HS2ST1: variants seen among roughly 807,000 people sequenced by gnomAD.
HS2ST1 encodes the protein 2-O-sulfotransferase.
A neutral mutation model predicts 42.9 loss-of-function variants in HS2ST1; 18 were observed. The ratio of observed to expected loss-of-function variants is 0.42; its 90% CI spans 0.29 to 0.62. The LOEUF (loss-of-function observed/expected upper bound fraction) is 0.62, where lower values mean the gene tolerates loss of function less well. Among genes scored for constraint, HS2ST1 ranks in the 20% least tolerant of loss-of-function variants. HS2ST1 has a pLI of 0.21. For missense variants in HS2ST1, 334 were observed against 433.8 expected (o/e 0.77, Z 2.04); for synonymous variants, 146 against 152.9 (o/e 0.95, Z 0.33).
intron 1 of HS2ST1, among the ~76,000 whole-genome samples, chr1:87,012,341 G>T (rs1419203049): frequency 4.6e-5 from 7 of 152,118 alleles, no homozygotes; most frequent in Admixed American, 4.6e-4. Context: ...AGGTGAAGGG[G>T]AAGCAAGACA....
Position 87,109,794 on chromosome 1 carries a change from A to C in HS2ST1, c.*5098A>C, listed in dbSNP as rs1450075844. 1.3e-5 allele frequency: 2 copies of C among 152,134 alleles called. No homozygotes were observed. The highest frequency in any genetic ancestry group is 2.9e-5 in the Non-Finnish European group (2 of 67,994). 9.4% of individuals were successfully genotyped at this position (152,134 alleles called of 1,614,324 possible). A position where few individuals can be genotyped will look rare whatever the true frequency, so the allele number is the denominator to read the frequency against. ...AAAGGGATCTGCATTTAGCAATGTG[A>C]TGTCAGTAAATGGACATAACAGGAT... On this transcript the variant is annotated 3_prime_UTR_variant, in exon 7 of 7. Coordinates refer to ENST00000370550, the MANE Select transcript of HS2ST1 (RefSeq NM_012262.4).
Position 87,073,099 on chromosome 1 carries a change from G to A in HS2ST1, c.290G>A (p.Cys97Tyr), listed in dbSNP as rs1308815423. ...TTTACCAATATCGCCTATGACCTGT[G>A]TGCAAAGAATAAATACCATGTCCTT... ...TSFTNIAYDL[C>Y]AKNKYHVLHI... The change falls in exon 2 of 7, where the codon TGT becomes TAT. Residue 97 changes from cysteine (C) to tyrosine (Y), a missense_variant. By Grantham distance (194) the Cys-to-Tyr change is radical (BLOSUM62 -2). Transcript: ENST00000370550. 4.3e-6 allele frequency: 7 copies of A among 1,614,046 alleles called. No homozygotes were observed. In the South Asian group the frequency reaches 6.6e-5, roughly 15 times the overall value.
intron 1 of HS2ST1, among the ~76,000 whole-genome samples, chr1:86,992,419 T>G (rs1570469827): frequency 6.6e-6 from 1 of 151,460 alleles, no homozygotes. Context: ...AGGCCTGGAG[T>G]GCAATGGCAT....
chr1:87,053,211 A>G (rs1208482600), intron 1 of HS2ST1, among the ~76,000 whole-genome samples: 1 of 152,204 alleles, frequency 6.6e-6, no homozygotes, highest in East Asian at 1.9e-4. Context: ...GTGGAGCACC[A>G]GGTGCAGTTG....
At chr1:87,028,653 G>A (rs920349611) in intron 1 of HS2ST1, among the ~76,000 whole-genome samples, 4 of 152,160 alleles carry the variant, frequency 2.6e-5, no homozygotes, top group Non-Finnish European at 4.4e-5. Context: ...TATACCATAT[G>A]TTAGATACAT....
At chr1:86,930,103 A>G (rs1306719350) in intron 1 of HS2ST1, among the ~76,000 whole-genome samples, 6 of 140,040 alleles carry the variant, frequency 4.3e-5, no homozygotes, top group Non-Finnish European at 9.3e-5. Flanking sequence ...CTTTTATCAT[A>G]TATATTGCTG....
At chr1:86,993,883 A>G (rs545670190) in intron 1 of HS2ST1, among the ~76,000 whole-genome samples, 29 of 152,300 alleles carry the variant, frequency 1.9e-4, no homozygotes, top group African/African-American at 5.8e-4. Context: ...ATGGGAACAC[A>G]TATTTACTAC....
intron 1 of HS2ST1, among the ~76,000 whole-genome samples, chr1:87,052,709 A>G (rs1351467916): frequency 6.6e-6 from 1 of 152,188 alleles, no homozygotes; most frequent in African/African-American, 2.4e-5. Flanking sequence ...AATGGATGTG[A>G]TGACCAGAAT....
intron 1 of HS2ST1, among the ~76,000 whole-genome samples, chr1:87,039,482 T>C (rs1360831689): frequency 6.6e-6 from 1 of 152,192 alleles, no homozygotes; most frequent in Non-Finnish European, 1.5e-5. Flanking sequence ...TGCAAAAGAA[T>C]AGGAATGAGC....
intron 1 of HS2ST1, among the ~76,000 whole-genome samples, chr1:87,004,205 A>G (rs1649370507): frequency 6.6e-6 from 1 of 152,108 alleles, no homozygotes; most frequent in African/African-American, 2.4e-5. Context: ...AGCCTGGCCA[A>G]CGTGGTGAAA....
At chr1:86,975,291 T>A (rs2102213896) in intron 1 of HS2ST1, among the ~76,000 whole-genome samples, 1 of 152,100 alleles carries the variant, frequency 6.6e-6, no homozygotes, top group South Asian at 2.1e-4. Context: ...TTTTTTTTTT[T>A]TAAGCTTTTC....
intron 2 of HS2ST1, among the ~76,000 whole-genome samples, chr1:87,081,092 G>C (rs191395072): frequency 6.6e-6 from 1 of 152,294 alleles, no homozygotes. Context: ...GAGATAGATA[G>C]ACCCCAATAC....
At chr1:87,058,833 G>A (rs573873439) in intron 1 of HS2ST1, among the ~76,000 whole-genome samples, 5 of 151,584 alleles carry the variant, frequency 3.3e-5, no homozygotes, top group South Asian at 4.1e-4. Context: ...AGGCCGAGGC[G>A]GGGAATCATG....
At chr1:87,072,852 C>T in intron 1 of HS2ST1, 82 bp from the exon 2 acceptor site, 2 of 945,668 alleles carry the variant, frequency 2.1e-6, no homozygotes, top group Admixed American at 2.4e-5. Flanking sequence ...TGTATCTTTT[C>T]TAATCATGGT....
At chr1:86,966,914 G>A (rs1469370122) in intron 1 of HS2ST1, among the ~76,000 whole-genome samples, 2 of 147,278 alleles carry the variant, frequency 1.4e-5, no homozygotes, top group African/African-American at 5.0e-5. Flanking sequence ...TTTTTGAGGC[G>A]GAATTTCGCT....
At chr1:87,002,696 A>T (rs889946181) in intron 1 of HS2ST1, among the ~76,000 whole-genome samples, 1 of 151,886 alleles carries the variant, frequency 6.6e-6, no homozygotes, top group Admixed American at 6.6e-5. Flanking sequence ...ACAAAAGTCT[A>T]TTTTTTTCAT....
intron 1 of HS2ST1, among the ~76,000 whole-genome samples, chr1:86,919,160 G>T (rs1187472545): frequency 6.6e-6 from 1 of 151,854 alleles, no homozygotes; most frequent in African/African-American, 2.4e-5. Context: ...GGCCAGGCTG[G>T]TCTTGAACTC....
intron 1 of HS2ST1, among the ~76,000 whole-genome samples, chr1:87,062,441 C>T (rs191959571): frequency 5.3e-4 from 81 of 152,098 alleles, no homozygotes; most frequent in African/African-American, 1.8e-3. Flanking sequence ...AGTATAGAAA[C>T]CTTACCTCCA....
chr1:86,949,706 G>A (rs559595262), intron 1 of HS2ST1, among the ~76,000 whole-genome samples: 11 of 152,356 alleles, frequency 7.2e-5, no homozygotes, highest in South Asian at 4.1e-4. Context: ...AAATAGCCAT[G>A]TGTGGCTAGT....
Sources: allele counts gnomAD v4.1 joint callset (sites outside exome capture counted in the v4.1 genomes callset), GRCh38; gene constraint gnomAD v4.1.1; transcripts MANE v1.5; gene names NCBI Gene and HGNC (gene_info 2026-07-23, HGNC 2026-07-21).